CNTRL: variants seen among roughly 807,000 people sequenced by gnomAD.
CNTRL encodes 110 kDa centrosomal protein.
In CNTRL, 233 loss-of-function variants were observed where a neutral mutation model predicts 303.7. The ratio of observed to expected loss-of-function variants is 0.77; its 90% CI spans 0.69 to 0.86. The LOEUF is 0.86. Among genes scored for constraint, CNTRL ranks in the 40% least tolerant of loss-of-function variants. The probability of loss-of-function intolerance (pLI) is 0.00; values close to 1 mark genes in which losing one functional copy is unlikely to be tolerated. For missense variants in CNTRL, 2,524 were observed against 2,650.6 expected (o/e 0.95, Z 1.05); for synonymous variants, 900 against 922.2 (o/e 0.98, Z 0.44).
intron 30 of CNTRL, among the ~76,000 whole-genome samples, chr9:121,158,340 C>T (rs2052684925): frequency 6.6e-6 from 1 of 152,126 alleles, no homozygotes; most frequent in Non-Finnish European, 1.5e-5. Flanking sequence ...CCTTTATCAA[C>T]ACTTATGGTT....
intron 17 of CNTRL, 128 bp downstream of exon 17, chr9:121,140,914 C>T: frequency 1.2e-6 from 1 of 852,990 alleles, no homozygotes; most frequent in Non-Finnish European, 1.7e-6. Flanking sequence ...TAAGGTTCTC[C>T]TTATGAAGTT....
chr9:121,108,125 G>C, intron 8 of CNTRL, 130 bp downstream of exon 8: 1 of 587,312 alleles, frequency 1.7e-6, no homozygotes, highest in Admixed American at 3.7e-5. Flanking sequence ...TATGTGGAAA[G>C]GCTTATGAAT....
intron 10 of CNTRL, among the ~76,000 whole-genome samples, chr9:121,114,279 T>C (rs2133181755): frequency 1.3e-5 from 2 of 152,264 alleles, no homozygotes. Flanking sequence ...TGACAGACTT[T>C]GAATCTATTT....
chr9:121,128,706 A>T (rs2133634347), intron 14 of CNTRL, among the ~76,000 whole-genome samples: 1 of 152,302 alleles, frequency 6.6e-6, no homozygotes, highest in South Asian at 2.1e-4. Context: ...TTAGTCATGA[A>T]GTCCTTGCCC....
chr9:121,120,529 TC>T (rs2050179807), intron 12 of CNTRL, among the ~76,000 whole-genome samples: 1 of 152,276 alleles, frequency 6.6e-6, no homozygotes, highest in Admixed American at 6.5e-5. Context: ...GGTATCCGTA[TC>T]CCCAGGGACC....
At position 121,165,111 on chromosome 9, in the gene CNTRL, G is replaced by C. The variant is rs375403944; in HGVS notation, c.5581+11G>C. ...AACAGCAGCTCCAAGGTATAAGGCAGCAAAACAGTGAAAGTGTGTGATTTC... is the reference window on the plus strand; with the variant it reads ...AACAGCAGCTCCAAGGTATAAGGCACCAAAACAGTGAAAGTGTGTGATTTC... On this transcript the variant is annotated intron_variant, in intron 35 of 43. Transcript: ENST00000373855. The C allele has an allele frequency of 6.5e-6, 10 of 1,541,958 alleles. No homozygotes were observed. The highest frequency in any genetic ancestry group is 7.0e-6 in the Non-Finnish European group (8 of 1,147,614).
chr9:121,173,623 C>G, intron 41 of CNTRL, 52 bp from the exon 42 acceptor site: 9 of 1,611,500 alleles, frequency 5.6e-6, no homozygotes, highest in Non-Finnish European at 7.6e-6. Flanking sequence ...TGGTTGGCTT[C>G]CATTTGTAGC....
intron 35 of CNTRL, 115 bp downstream of exon 35, chr9:121,165,215 T>C: frequency 9.7e-7 from 1 of 1,032,540 alleles, no homozygotes; most frequent in South Asian, 1.8e-5. Context: ...TTTCTAAAAT[T>C]AGATTGTGGT....
At chr9:121,174,572 G>A (rs1173599814) in intron 42 of CNTRL, among the ~76,000 whole-genome samples, 4 of 151,992 alleles carry the variant, frequency 2.6e-5, no homozygotes, top group Non-Finnish European at 5.9e-5. Flanking sequence ...TTATAGCAGG[G>A]GCAAAAGCCA....
chr9:121,177,276 C>T lies in CNTRL; in HGVS notation c.*90C>T, dbSNP rs2053566016. The T allele has an allele frequency of 1.8e-6, 2 of 1,106,034 alleles. No homozygotes were observed. Among genetic ancestry groups the T allele is most frequent in the Non-Finnish European group, 2.7e-6 (2 of 734,452 alleles). 68.5% of individuals were successfully genotyped at this position (1,106,034 alleles called of 1,614,324 possible). On this transcript the variant is annotated 3_prime_UTR_variant, in exon 44 of 44. Transcript: ENST00000373855. The stretch of plus-strand genomic sequence containing the variant: ...TGGAATGTCACATGGTTTTTTTAAT[C>T]AAGATGCAGTGAACTGAGATTCTGA...
intron 2 of CNTRL, among the ~76,000 whole-genome samples, chr9:121,088,022 C>T (rs1462068560): frequency 6.6e-6 from 1 of 152,170 alleles, no homozygotes; most frequent in African/African-American, 2.4e-5. Context: ...TAAAAGGGGC[C>T]TTGGGACTAG....
rs551825355 is a variant in CNTRL, at chr9:121,112,202, A to T, written c.1003-257A>T. On this transcript the variant is annotated intron_variant, in intron 8 of 43. Transcript: ENST00000373855. ...TGTTTAACAAATTTAAGTGATTTTT[A>T]AAATCATTATTCATTATATCGTGAA... is the stretch of plus-strand genomic sequence containing the variant. 2.1e-4 allele frequency among the ~76,000 whole-genome samples: 32 copies of T among 152,332 alleles called. No homozygotes were observed. The East Asian group carries it at 2.1e-3, about 10-fold the overall frequency.
chr9:121,157,776 C>CA lies in CNTRL; in HGVS notation c.4537dup (p.Ile1513AsnfsTer49), dbSNP rs2052649496. 1 of 1,613,858 alleles carries CA rather than the reference C, an allele frequency of 6.2e-7. No homozygotes were observed. The highest frequency in any genetic ancestry group is 8.5e-7 in the Non-Finnish European group (1 of 1,179,994). On this transcript the variant is annotated frameshift_variant, in exon 29 of 44. Transcript: ENST00000373855. LOFTEE classifies it high-confidence loss of function. ...CTGATGCAAAGGATTTGGAGCAGCA[C>CA]AAAATCAAGCAAGAAGAAATCTTGA...
At chr9:121,166,903 C>T (rs1472592491) in intron 36 of CNTRL, among the ~76,000 whole-genome samples, 1 of 152,094 alleles carries the variant, frequency 6.6e-6, no homozygotes, top group Non-Finnish European at 1.5e-5. Flanking sequence ...TGCCTGTAAT[C>T]CCAGCTACTC....
rs781400782 is a variant in CNTRL at position 121,168,289 on chromosome 9, G to A, written c.6038G>A (p.Cys2013Tyr). 9 of 1,614,184 alleles carry A rather than the reference G, an allele frequency of 5.6e-6. No homozygotes were observed. The highest frequency in any genetic ancestry group is 2.2e-5 in the East Asian group (1 of 44,874). Residue 2013 changes from cysteine to tyrosine, a missense_variant, in exon 38 of 44, where the codon TGT becomes TAT. Cys to Tyr is a radical substitution (Grantham distance 194). Coordinates refer to ENST00000373855, the MANE Select transcript of CNTRL (RefSeq NM_007018.6). ...ACTCTGCAGGAAGAGGAGAGGTGGT[G>A]TGAGAGCCTGGAGAAGACACTCTCC... ...VRTLQEEERW[C>Y]ESLEKTLSQT...
rs368425610 is a variant in CNTRL at position 121,140,631 on chromosome 9, C to T, written c.2338-10C>T. 6.3e-7 allele frequency: 1 copy of T among 1,598,164 alleles called. No individual in the cohort carries two copies. Among genetic ancestry groups the T allele is most frequent in the Non-Finnish European group, 8.5e-7 (1 of 1,170,378 alleles). ...GTAATAGATAATCCCTATTTCATCC[C>T]CCTCCATAGGATGACAATAATCTGT... On this transcript the variant is annotated splice_polypyrimidine_tract_variant and intron_variant, in intron 16 of 43. Coordinates refer to ENST00000373855, the MANE Select transcript of CNTRL (RefSeq NM_007018.6).
chr9:121,137,170 A>T (rs140664021), intron 15 of CNTRL, among the ~76,000 whole-genome samples: 1 of 152,206 alleles, frequency 6.6e-6, no homozygotes, highest in African/African-American at 2.4e-5. Flanking sequence ...TTATCAGATT[A>T]AAAATACAAT....
chr9:121,081,182 G>A (rs1311637654), intron 2 of CNTRL, among the ~76,000 whole-genome samples: 1 of 152,134 alleles, frequency 6.6e-6, no homozygotes, highest in Non-Finnish European at 1.5e-5. Flanking sequence ...TAGAAAGCTG[G>A]GAGTTTGCAG....
intron 6 of CNTRL, among the ~76,000 whole-genome samples, chr9:121,098,183 A>T (rs2048974051): frequency 6.6e-6 from 1 of 152,204 alleles, no homozygotes; most frequent in African/African-American, 2.4e-5. Flanking sequence ...GTCACAAATG[A>T]AATAGTGTAT....
Sources: allele counts gnomAD v4.1 joint callset (sites outside exome capture counted in the v4.1 genomes callset), GRCh38; gene constraint gnomAD v4.1.1; transcripts MANE v1.5; gene names NCBI Gene and HGNC (gene_info 2026-07-23, HGNC 2026-07-21).